FILIP1L: variants seen among roughly 807,000 people sequenced by gnomAD.
FILIP1L encodes the protein filamin A interacting protein 1 like, also known as filamin A-interacting protein 1-like.
In FILIP1L, 55 loss-of-function variants were observed where a neutral mutation model predicts 96.6. The observed-to-expected ratio is 0.57, with a 90% CI of 0.46 to 0.71. The LOEUF (loss-of-function observed/expected upper bound fraction) is 0.71, where lower values mean the gene tolerates loss of function less well. Ranked by LOEUF, FILIP1L falls within the 30% of genes least tolerant of loss-of-function variation. The pLI is 0.00. For missense variants in FILIP1L, 1,304 were observed against 1,321.2 expected (o/e 0.99, Z 0.20); for synonymous variants, 467 against 473.9 (o/e 0.99, Z 0.19).
chr3:99,908,798 C>T (rs1706701554), intron 4 of FILIP1L, among the ~76,000 whole-genome samples: 1 of 152,046 alleles, frequency 6.6e-6, no homozygotes, highest in Non-Finnish European at 1.5e-5. Flanking sequence ...AAGTTATTTA[C>T]AAGAGACCTT....
At chr3:100,076,217 G>A (rs2065848389) in intron 1 of FILIP1L, among the ~76,000 whole-genome samples, 2 of 152,228 alleles carry the variant, frequency 1.3e-5, no homozygotes, top group African/African-American at 2.4e-5. Context: ...TCACTGCTCA[G>A]TGGAGGCTTG....
At chr3:99,865,169 T>G (rs147337400) in intron 4 of FILIP1L, among the ~76,000 whole-genome samples, 7 of 152,342 alleles carry the variant, frequency 4.6e-5, no homozygotes, top group African/African-American at 1.7e-4. Flanking sequence ...TGTACCGTGT[T>G]AGTCCTGCAA....
chr3:99,951,116 AG>A (rs1349373703), intron 1 of FILIP1L, among the ~76,000 whole-genome samples: 2 of 152,142 alleles, frequency 1.3e-5, no homozygotes, highest in African/African-American at 4.8e-5. Flanking sequence ...TCTCACTCAT[AG>A]GCCTTTGCCT....
intron 1 of FILIP1L, among the ~76,000 whole-genome samples, chr3:100,111,178 G>A (rs1010476470): frequency 3.9e-5 from 6 of 152,106 alleles, no homozygotes; most frequent in African/African-American, 1.4e-4. Context: ...GAACTCTAGG[G>A]TAAGGACCTA....
At chr3:99,866,095 C>A (rs1348367031) in intron 4 of FILIP1L, among the ~76,000 whole-genome samples, 1 of 151,282 alleles carries the variant, frequency 6.6e-6, no homozygotes, top group East Asian at 1.9e-4. Context: ...CTCCTTTATT[C>A]TCTCCTTTGT....
At chr3:99,885,784 A>G (rs762647830) in intron 4 of FILIP1L, among the ~76,000 whole-genome samples, 1 of 151,862 alleles carries the variant, frequency 6.6e-6, no homozygotes, top group Non-Finnish European at 1.5e-5. Flanking sequence ...AAACACACAC[A>G]TGTACACACA....
intron 1 of FILIP1L, among the ~76,000 whole-genome samples, chr3:100,079,952 T>C (rs2065905574): frequency 6.6e-6 from 1 of 152,094 alleles, no homozygotes; most frequent in Non-Finnish European, 1.5e-5. Flanking sequence ...CTAACAAAGG[T>C]TTTCATGGCA....
At chr3:99,916,437 TACACACACACACACACACACACACAC>T (rs10529210) in intron 4 of FILIP1L, among the ~76,000 whole-genome samples, 1 of 137,068 alleles carries the variant, frequency 7.3e-6, no homozygotes, top group Non-Finnish European at 1.6e-5. Flanking sequence ...TAACGGTTTA[TACACACACACACACACACACACACAC>T]ACACACACAC....
At chr3:100,097,171 G>A (rs542952632) in intron 1 of FILIP1L, among the ~76,000 whole-genome samples, 1 of 152,288 alleles carries the variant, frequency 6.6e-6, no homozygotes, top group Non-Finnish European at 1.5e-5. Flanking sequence ...GAGAGATCTA[G>A]GTTACATGCT....
chr3:100,105,985 G>A (rs2066388503), intron 1 of FILIP1L, among the ~76,000 whole-genome samples: 4 of 152,144 alleles, frequency 2.6e-5, no homozygotes, highest in Admixed American at 2.6e-4. Flanking sequence ...ATCAGATGGT[G>A]TGGACAGAAA....
chr3:99,877,435 A>G (rs1165882899), intron 4 of FILIP1L, among the ~76,000 whole-genome samples: 1 of 152,174 alleles, frequency 6.6e-6, no homozygotes, highest in Non-Finnish European at 1.5e-5. Context: ...GCAGGGCACA[A>G]CATTAAATGT....
chr3:99,931,606 A>C (rs1255068529), intron 1 of FILIP1L, among the ~76,000 whole-genome samples: 4 of 152,228 alleles, frequency 2.6e-5, no homozygotes, highest in Non-Finnish European at 4.4e-5. Context: ...GTATTAAAGG[A>C]ATGAAGGCTT....
chr3:99,848,695 G>T lies in FILIP1L; in HGVS notation c.2981C>A (p.Thr994Asn), dbSNP rs1447357788. 4 of 1,614,076 alleles carry T rather than the reference G, an allele frequency of 2.5e-6. No individual in the cohort carries two copies. The highest frequency in any genetic ancestry group is 2.5e-6 in the Non-Finnish European group (3 of 1,180,044). ...AATAGGGGACATTGTCCTTTCTGGA[G>T]TTAGAGAACCACAAGACTCTGGGGT... Reference protein sequence around the residue: ...AQTPESCGSLTPERTMSPIQV... With the variant: ...AQTPESCGSLNPERTMSPIQV... Residue 994 changes from threonine (T) to asparagine (N), a missense_variant, in exon 5 of 6, where the codon ACT (threonine) becomes AAT (asparagine). Physicochemically the swap from Thr to Asn is moderately conservative, Grantham distance 65 (BLOSUM62 0). Transcript: ENST00000477258.
chr3:100,104,326 G>A (rs1466116801), intron 1 of FILIP1L, among the ~76,000 whole-genome samples: 1 of 152,158 alleles, frequency 6.6e-6, no homozygotes, highest in Non-Finnish European at 1.5e-5. Context: ...TGACATAGCT[G>A]TGGTCACACA....
In FILIP1L at chr3:100,050,292, T is replaced by C. The variant is rs181876408; in HGVS notation, c.-11+63761A>G. Among the ~76,000 whole-genome samples, 157 of 152,316 alleles carry C rather than the reference T, an allele frequency of 1.0e-3. 1 individual carries two copies. Among genetic ancestry groups the C allele is most frequent in the Non-Finnish European group, 1.7e-3 (118 of 68,018 alleles). The stretch of plus-strand genomic sequence containing the variant: ...CTGAGTGATTTTTAAATGTGCCCTC[T>C]AATGAGTCAGGAACTTACACAGAGA... On this transcript the variant is annotated intron_variant, in intron 1 of 5. Transcript: ENST00000477258.
intron 1 of FILIP1L, among the ~76,000 whole-genome samples, chr3:99,951,160 A>G (rs1053815139): frequency 6.6e-6 from 1 of 152,134 alleles, no homozygotes; most frequent in African/African-American, 2.4e-5. Context: ...CTCTTCCCTC[A>G]GCTGTTCACT....
At chr3:99,989,335 G>A (rs1215314895) in intron 1 of FILIP1L, among the ~76,000 whole-genome samples, 1 of 152,174 alleles carries the variant, frequency 6.6e-6, no homozygotes, top group Non-Finnish European at 1.5e-5. Flanking sequence ...TAAATGTAGA[G>A]GTGGGGGTGA....
intron 1 of FILIP1L, among the ~76,000 whole-genome samples, chr3:99,957,195 C>G (rs2107696624): frequency 6.6e-6 from 1 of 152,234 alleles, no homozygotes; most frequent in Admixed American, 6.5e-5. Context: ...TCAGGGTGAT[C>G]TGATTTGGCA....
Position 99,924,246 on chromosome 3 carries a change from C to T in FILIP1L, c.589G>A (p.Glu197Lys). Residue 197 changes from glutamate (E) to lysine (K), a missense_variant, in exon 4 of 6, where the codon GAA (glutamate) becomes AAA (lysine). Physicochemically the swap from Glu to Lys is moderately conservative, Grantham distance 56. Coordinates refer to ENST00000477258, the MANE Select transcript of FILIP1L (RefSeq NM_001387850.1). ...CAGCCTTACCTTTCACATTCCTGTT[C>T]TAGTAGGCATATGAATTCATCACTC... ...EKSDEFICLL[E>K]QECERLKKLI... 1 of 1,613,686 alleles carries T rather than the reference C, an allele frequency of 6.2e-7. No individual in the cohort carries two copies. Among genetic ancestry groups the T allele is most frequent in the South Asian group, 1.1e-5 (1 of 90,854 alleles).
Sources: gnomAD v4.1 joint callset for allele counts (sites outside exome capture counted in the v4.1 genomes callset) on GRCh38, gnomAD v4.1.1 for gene constraint, MANE v1.5 for transcripts, NCBI Gene and HGNC (gene_info 2026-07-23, HGNC 2026-07-21) for gene names.